The following COP1 variants were observed in gnomAD, a reference collection of about 807,000 sequenced individuals.
COP1 encodes the protein E3 ubiquitin-protein ligase COP1.
In COP1, 24 loss-of-function variants were observed where a neutral mutation model predicts 101.3. The observed-to-expected ratio is 0.24, with a 90% CI of 0.17 to 0.33. COP1 has a LOEUF of 0.33. COP1 is among the 10% of genes least tolerant of loss of function. COP1 has a pLI of 1.00. For synonymous variants in COP1, 347 were observed against 341.9 expected (o/e 1.01, Z -0.17); for missense variants, 663 against 906.2 (o/e 0.73, Z 3.45).
chr1:176,133,229 C>T (rs886108586), intron 8 of COP1, among the ~76,000 whole-genome samples: 15 of 136,298 alleles, frequency 1.1e-4, no homozygotes, highest in Admixed American at 9.0e-4. Context: ...TATATACGTA[C>T]GTATATGTAC....
chr1:176,168,063 T>A (rs550244394), intron 3 of COP1, among the ~76,000 whole-genome samples: 100 of 143,142 alleles, frequency 7.0e-4, no homozygotes, highest in African/African-American at 2.7e-3. Flanking sequence ...CAATTTACGA[T>A]TTTTTTTTTT....
At chr1:176,176,378 C>T (rs977038201) in intron 2 of COP1, among the ~76,000 whole-genome samples, 2 of 152,098 alleles carry the variant, frequency 1.3e-5, no homozygotes, top group Admixed American at 1.3e-4. Flanking sequence ...ACCCTTAATA[C>T]TCAGTTCATT....
chr1:175,965,681 C>T (rs910136353), intron 18 of COP1, among the ~76,000 whole-genome samples: 2 of 151,912 alleles, frequency 1.3e-5, no homozygotes, highest in Non-Finnish European at 2.9e-5. Context: ...CTCCGCTTCC[C>T]GGGTTCAAGT....
intron 11 of COP1, among the ~76,000 whole-genome samples, chr1:176,069,059 G>A (rs779501674): frequency 1.3e-5 from 2 of 152,068 alleles, no homozygotes; most frequent in African/African-American, 4.8e-5. Flanking sequence ...GTGGTGGCAC[G>A]TGCTTGTAGT....
intron 15 of COP1, among the ~76,000 whole-genome samples, chr1:176,000,613 T>C (rs879849084): frequency 2.0e-5 from 3 of 152,046 alleles, no homozygotes; most frequent in Non-Finnish European, 4.4e-5. Context: ...ATACACTGCA[T>C]GACTCTACAA....
chr1:175,987,231 G>C (rs1056340591), intron 17 of COP1, 128 bp from the exon 18 acceptor site: 7 of 507,224 alleles, frequency 1.4e-5, no homozygotes, highest in South Asian at 3.8e-5. Context: ...TGAAAGGCTA[G>C]ATCACAGGAC....
chr1:175,980,668 C>A (rs1200890496), intron 18 of COP1, among the ~76,000 whole-genome samples: 1 of 152,036 alleles, frequency 6.6e-6, no homozygotes, highest in African/African-American at 2.4e-5. Flanking sequence ...AAAATGTCCA[C>A]CCTAATGACC....
At chr1:176,134,176 C>T (rs1351179869) in intron 8 of COP1, among the ~76,000 whole-genome samples, 1 of 151,904 alleles carries the variant, frequency 6.6e-6, no homozygotes, top group Non-Finnish European at 1.5e-5. Context: ...TATAATCTAC[C>T]ATAGTAGAAC....
chr1:175,967,351 T>C (rs2148573508), intron 18 of COP1, among the ~76,000 whole-genome samples: 1 of 152,328 alleles, frequency 6.6e-6, no homozygotes, highest in South Asian at 2.1e-4. Context: ...TAGCCAGGCA[T>C]GGTGGTCCCC....
chr1:175,957,047 C>T (rs1232251925), intron 18 of COP1, among the ~76,000 whole-genome samples: 1 of 150,828 alleles, frequency 6.6e-6, no homozygotes, highest in Non-Finnish European at 1.5e-5. Flanking sequence ...GTGTTTTAAG[C>T]TAAAAGTTAT....
At chr1:175,986,207 G>T (rs1483568620) in intron 18 of COP1, among the ~76,000 whole-genome samples, 2 of 152,052 alleles carry the variant, frequency 1.3e-5, no homozygotes, top group African/African-American at 4.8e-5. Context: ...TTTTAGTAGA[G>T]ACAGGGTTTC....
At chr1:176,063,047 GTTTTTT>G (rs34464104) in intron 11 of COP1, among the ~76,000 whole-genome samples, 253 of 90,608 alleles carry the variant, frequency 2.8e-3, no homozygotes, top group African/African-American at 9.9e-3. Context: ...TTTTGAAAAT[GTTTTTT>G]TTTTTTTTTT....
chr1:176,091,195 C>T (rs1436081948), intron 9 of COP1, among the ~76,000 whole-genome samples: 1 of 151,990 alleles, frequency 6.6e-6, no homozygotes, highest in African/African-American at 2.4e-5. Context: ...AGTGAGCCAT[C>T]TCTAAAAGAA....
chr1:176,126,430 C>T (rs535223336), intron 8 of COP1, among the ~76,000 whole-genome samples: 1 of 152,198 alleles, frequency 6.6e-6, no homozygotes, highest in Non-Finnish European at 1.5e-5. Context: ...CATGAAGGAA[C>T]ATTGAACTTC....
At chr1:176,132,214 T>A (rs1171127897) in intron 8 of COP1, among the ~76,000 whole-genome samples, 3 of 151,764 alleles carry the variant, frequency 2.0e-5, no homozygotes, top group African/African-American at 4.8e-5. Flanking sequence ...CAAGTAAACA[T>A]TTTAAAATCT....
rs909078834 is a variant in COP1, at chr1:175,960,131, T to G, written c.2134-12892A>C. ...ATTCATGGAAATGCCAGTAACTGGT[T>G]TTCAGGAGGAAATGGACCAGAATTT... is the stretch of plus-strand genomic sequence containing the variant. On this transcript the variant is annotated intron_variant, in intron 18 of 19. Coordinates refer to ENST00000367669, the MANE Select transcript of COP1 (RefSeq NM_022457.7). Among the ~76,000 whole-genome samples, 3 of 152,176 alleles carry G rather than the reference T, an allele frequency of 2.0e-5. No homozygotes were observed. The South Asian group carries it at 6.2e-4, about 31-fold the overall frequency.
At chr1:175,994,340 C>T (rs886543420) in intron 15 of COP1, among the ~76,000 whole-genome samples, 48 of 152,098 alleles carry the variant, frequency 3.2e-4, no homozygotes, top group African/African-American at 9.9e-4. Flanking sequence ...CATCAACTAA[C>T]GAGCAAAATA....
At chr1:176,115,052 T>A (rs976922685) in intron 9 of COP1, among the ~76,000 whole-genome samples, 1 of 152,322 alleles carries the variant, frequency 6.6e-6, no homozygotes, top group South Asian at 2.1e-4. Flanking sequence ...ACAAATGTGA[T>A]AAAATGTTAA....
intron 15 of COP1, among the ~76,000 whole-genome samples, chr1:176,002,796 GAAT>G: frequency 6.6e-6 from 1 of 150,570 alleles, no homozygotes; most frequent in South Asian, 2.1e-4. Context: ...TTGCTATTGT[GAAT>G]AATGCCACAA....
Sources: gnomAD v4.1 joint callset for allele counts (sites outside exome capture counted in the v4.1 genomes callset) on GRCh38, gnomAD v4.1.1 for gene constraint, MANE v1.5 for transcripts, NCBI Gene and HGNC (gene_info 2026-07-23, HGNC 2026-07-21) for gene names.